The following ACOT7 variants were observed in gnomAD, a reference collection of about 807,000 sequenced individuals.
The protein encoded by ACOT7 is acyl-CoA thioesterase 7.
ACOT7 carries 12 observed loss-of-function variants against 40.2 expected under a neutral mutation model. The observed-to-expected ratio is 0.30, with a 90% CI of 0.19 to 0.48. The LOEUF (loss-of-function observed/expected upper bound fraction) is 0.48. ACOT7 is among the 20% of genes least tolerant of loss of function. ACOT7 has a pLI of 0.99. For synonymous variants in ACOT7, 228 were observed against 219.5 expected (o/e 1.04, Z -0.34); for missense variants, 395 against 530.8 (o/e 0.74, Z 2.51).
At position 6,278,473 on chromosome 1, in the gene ACOT7, G is replaced by A. The variant is rs892417960; in HGVS notation, c.1014+2629C>T. The stretch of plus-strand genomic sequence containing the variant: ...GAGTGGAGCGGCACTGGGTGGGCGT[G>A]GGCATGGGGGGAGTAGGGAGGAGCC... On this transcript the variant is annotated intron_variant, in intron 8 of 8. Coordinates refer to ENST00000361521, the MANE Select transcript of ACOT7 (RefSeq NM_007274.4). This position sits in a 1 kb window ranked among gnomAD's most constrained non-coding sequence, Gnocchi z 4.1. 6.6e-6 allele frequency among the ~76,000 whole-genome samples: 1 copy of A among 152,156 alleles called. No individual in the cohort carries two copies. The highest frequency in any genetic ancestry group is 1.5e-5 in the Non-Finnish European group (1 of 68,022).
intron 1 of ACOT7, among the ~76,000 whole-genome samples, chr1:6,389,774 CAAAAA>C (rs33955440): frequency 2.2e-5 from 2 of 91,076 alleles, no homozygotes. Context: ...GACTCCCTCT[CAAAAA>C]AAAAAAAAAA....
rs111861356 is a variant in ACOT7, at chr1:6,376,969, G to A, written c.143+16288C>T. Reference sequence around the variant, plus strand: ...AAGAGGATATACAGACAGCAAATACGCACATGAAAAGATGCTCAACACCTT... The same window carrying A: ...AAGAGGATATACAGACAGCAAATACACACATGAAAAGATGCTCAACACCTT... On this transcript the variant is annotated intron_variant, in intron 1 of 8. Transcript: ENST00000361521. Among the ~76,000 whole-genome samples, 675 of 152,310 alleles carry A rather than the reference G, an allele frequency of 4.4e-3. 2 individuals carry two copies. Among genetic ancestry groups the A allele is most frequent in the African/African-American group, 0.015 (639 of 41,566 alleles).
chr1:6,327,460 C>T, intron 4 of ACOT7, 47 bp from the exon 5 acceptor site: 1 of 1,579,666 alleles, frequency 6.3e-7, no homozygotes, highest in Non-Finnish European at 8.7e-7. Context: ...ACACGGCCTC[C>T]TCCCCTCGCT....
In ACOT7 at chr1:6,344,924, T is replaced by C. The variant is rs756142367; in HGVS notation, c.261+4825A>G. 2.7e-4 allele frequency among the ~76,000 whole-genome samples: 41 copies of C among 152,270 alleles called. No individual in the cohort carries two copies. The South Asian group carries it at 2.9e-3, about 11-fold the overall frequency. On this transcript the variant is annotated intron_variant, in intron 2 of 8. Transcript: ENST00000361521. Reference sequence around the variant, plus strand: ...CAGCCTGGGAGGCTGCAGAGGTGGCTCTGTGTGTCTGATGGGTACAGATGG... The same window carrying C: ...CAGCCTGGGAGGCTGCAGAGGTGGCCCTGTGTGTCTGATGGGTACAGATGG...
At position 6,288,691 on chromosome 1, in the gene ACOT7, C is replaced by T. The variant is rs1279901469; in HGVS notation, c.829+6173G>A. ...CCTGGAAGAGTCTGGTTCATAAATGCCAAATTTGCAGCCAACAGAGCTGGG... is the reference window on the plus strand; with the variant it reads ...CCTGGAAGAGTCTGGTTCATAAATGTCAAATTTGCAGCCAACAGAGCTGGG... On this transcript the variant is annotated intron_variant, in intron 7 of 8. Transcript: ENST00000361521. This position sits in a 1 kb window ranked among gnomAD's most constrained non-coding sequence, Gnocchi z 4.3. Among the ~76,000 whole-genome samples, 17 of 152,190 alleles carry T rather than the reference C, an allele frequency of 1.1e-4. No individual in the cohort carries two copies. The highest frequency in any genetic ancestry group is 1.1e-3 in the Admixed American group (17 of 15,282).
intron 8 of ACOT7, among the ~76,000 whole-genome samples, chr1:6,265,059 C>A (rs1184894293): frequency 6.6e-6 from 1 of 152,198 alleles, no homozygotes; most frequent in African/African-American, 2.4e-5. Context: ...CCTTTCACAG[C>A]AGGTGACCTC....
At chr1:6,340,209 G>A (rs531893554) in intron 2 of ACOT7, among the ~76,000 whole-genome samples, 2 of 151,872 alleles carry the variant, frequency 1.3e-5, no homozygotes, top group African/African-American at 2.4e-5. Flanking sequence ...CTCGTGATCC[G>A]CCCGCCTCGG....
In ACOT7 at chr1:6,264,699, T is replaced by A; in HGVS notation, c.1015-4A>T. The A allele has an allele frequency of 6.2e-7, 1 of 1,612,956 alleles. No homozygotes were observed. Among genetic ancestry groups the A allele is most frequent in the South Asian group, 1.1e-5 (1 of 91,030 alleles). On this transcript the variant is annotated splice_polypyrimidine_tract_variant and splice_region_variant and intron_variant, in intron 8 of 8. Coordinates refer to ENST00000361521, the MANE Select transcript of ACOT7 (RefSeq NM_007274.4). The stretch of plus-strand genomic sequence containing the variant: ...TCTTCTCGTCCTCGGTCTCGGGCTG[T>A]GGACCACACACAGAGACAGGCAGGT...
At chr1:6,283,697 T>G (rs760928042) in intron 7 of ACOT7, among the ~76,000 whole-genome samples, 1 of 152,204 alleles carries the variant, frequency 6.6e-6, no homozygotes, top group Non-Finnish European at 1.5e-5. Flanking sequence ...CATAATACAA[T>G]TAACACTTCA....
intron 5 of ACOT7, among the ~76,000 whole-genome samples, chr1:6,326,090 A>G (rs72858325): frequency 0.097 from 14,835 of 152,208 alleles, 1,847 homozygotes; most frequent in African/African-American, 0.29. Flanking sequence ...TCAGGCTGCC[A>G]TCCCGCATGA....
rs1339201965 is a variant in ACOT7, at chr1:6,281,289, G to T, written c.830-3C>A. 1 of 1,613,420 alleles carries T rather than the reference G, an allele frequency of 6.2e-7. No homozygotes were observed. Among genetic ancestry groups the T allele is most frequent in the Non-Finnish European group, 8.5e-7 (1 of 1,179,798 alleles). Reference sequence around the variant, plus strand: ...TCCCGAGATGGTGATGACGCAGCCTGTGGAGAAGGGAGGGCGGGGGTCAGG... The same window carrying T: ...TCCCGAGATGGTGATGACGCAGCCTTTGGAGAAGGGAGGGCGGGGGTCAGG... On this transcript the variant is annotated splice_polypyrimidine_tract_variant and splice_region_variant and intron_variant, in intron 7 of 8. Transcript: ENST00000361521.
At position 6,306,399 on chromosome 1, in the gene ACOT7, C is replaced by T; in HGVS notation, c.713-11419G>A. On this transcript the variant is annotated intron_variant, in intron 6 of 8. Coordinates refer to ENST00000361521, the MANE Select transcript of ACOT7 (RefSeq NM_007274.4). This position sits in a 1 kb window ranked among gnomAD's most constrained non-coding sequence, Gnocchi z 4.3. ...ACAAAGTGAGTTCCTGGGACAGGTG[C>T]CTATAGGATGCTTGGACTGGAGTGA... 2 of 985,276 alleles carry T rather than the reference C, an allele frequency of 2.0e-6. No homozygotes were observed. The highest frequency in any genetic ancestry group is 1.7e-5 in the African/African-American group (1 of 57,308). 61.0% of individuals were successfully genotyped at this position (985,276 alleles called of 1,614,324 possible).
At chr1:6,375,133 C>T (rs1382962724) in intron 1 of ACOT7, among the ~76,000 whole-genome samples, 2 of 149,434 alleles carry the variant, frequency 1.3e-5, no homozygotes, top group Non-Finnish European at 1.5e-5. Flanking sequence ...AAAAATTAGC[C>T]GGGCGTGGTG....
rs1641629298 is a variant in ACOT7 at position 6,352,729 on chromosome 1, C to A, written c.144-2863G>T. Among the ~76,000 whole-genome samples the A allele has an allele frequency of 6.7e-6, 1 of 150,370 alleles. No homozygotes were observed. The highest frequency in any genetic ancestry group is 1.5e-5 in the Non-Finnish European group (1 of 67,772). Reference sequence around the variant, plus strand: ...TCCCGAGTAGCTGGCACTACAGGCGCCCGCCACCACGCCCGGCTAATTTTT... The same window carrying A: ...TCCCGAGTAGCTGGCACTACAGGCGACCGCCACCACGCCCGGCTAATTTTT... On this transcript the variant is annotated intron_variant, in intron 1 of 8. Transcript: ENST00000361521. This position sits in a 1 kb window ranked among gnomAD's most constrained non-coding sequence, Gnocchi z 4.5.
At position 6,290,302 on chromosome 1, in the gene ACOT7, T is replaced by C. The variant is rs568109670; in HGVS notation, c.829+4562A>G. ...TTTAAGCTACTGTGTATGGAAATGT[T>C]ACAGCAGCCCCAGGAAACTCATGGA... is the stretch of plus-strand genomic sequence containing the variant. On this transcript the variant is annotated intron_variant, in intron 7 of 8. Transcript: ENST00000361521. Among the ~76,000 whole-genome samples the C allele has an allele frequency of 3.9e-5, 6 of 152,354 alleles. No individual in the cohort carries two copies. In the South Asian group the frequency reaches 1.2e-3, roughly 32 times the overall value.
intron 5 of ACOT7, among the ~76,000 whole-genome samples, 179 bp downstream of exon 5, chr1:6,327,120 G>A (rs1265657553): frequency 6.6e-6 from 1 of 152,134 alleles, no homozygotes; most frequent in Non-Finnish European, 1.5e-5. Flanking sequence ...GGTCTACATG[G>A]CTCAGGGCGG....
chr1:6,350,962 A>G (rs1345109640), intron 1 of ACOT7, among the ~76,000 whole-genome samples: 5 of 152,228 alleles, frequency 3.3e-5, no homozygotes, highest in Non-Finnish European at 7.3e-5. Flanking sequence ...CTGGGAGATC[A>G]CGCAGATCGC....
chr1:6,323,539 G>A (rs577321557), intron 5 of ACOT7, among the ~76,000 whole-genome samples: 88 of 151,888 alleles, frequency 5.8e-4, no homozygotes, highest in South Asian at 1.7e-3. Flanking sequence ...CCAACATGGC[G>A]AAACCCTGTC....
chr1:6,281,662 T>C (rs1639364116), intron 7 of ACOT7, among the ~76,000 whole-genome samples: 1 of 152,216 alleles, frequency 6.6e-6, no homozygotes, highest in Non-Finnish European at 1.5e-5. Flanking sequence ...CGGCTGGCTC[T>C]GCCCTTCCTT....
Sources: allele counts gnomAD v4.1 joint callset (sites outside exome capture counted in the v4.1 genomes callset), GRCh38; gene constraint gnomAD v4.1.1; non-coding constraint Gnocchi (gnomAD v3.1); transcripts MANE v1.5; gene names NCBI Gene and HGNC (gene_info 2026-07-23, HGNC 2026-07-21).